The following SPTBN5 variants were observed in gnomAD, a reference collection of about 807,000 sequenced individuals.
SPTBN5 encodes spectrin beta chain, non-erythrocytic 5.
Under a neutral mutation model 477.6 loss-of-function variants are expected in SPTBN5, and 513 were observed. That is an observed-to-expected ratio of 1.07 (90% CI 1.00 to 1.16). The LOEUF (loss-of-function observed/expected upper bound fraction) is 1.16, where lower values mean the gene tolerates loss of function less well. Among genes scored for constraint, SPTBN5 ranks in the 50% most tolerant of loss-of-function variants. The probability of loss-of-function intolerance (pLI) is 0.00; values close to 1 mark genes in which losing one functional copy is unlikely to be tolerated. For missense variants in SPTBN5, 5,062 were observed against 4,731.8 expected (o/e 1.07, Z -2.05); for synonymous variants, 2,169 against 2,011.7 (o/e 1.08, Z -2.09).
chr15:41,867,249 G>C, intron 35 of SPTBN5, 123 bp from the exon 36 acceptor site: 1 of 1,182,726 alleles, frequency 8.5e-7, no homozygotes, highest in Non-Finnish European at 1.2e-6. Context: ...CATGGCTGAG[G>C]GGTATCTGAT....
At chr15:41,852,775 G>C (rs551394439) in intron 60 of SPTBN5, 40 bp from the exon 61 acceptor site, 45 of 1,611,310 alleles carry the variant, frequency 2.8e-5, no homozygotes, top group Non-Finnish European at 3.2e-5. Context: ...AGCTTGGGGG[G>C]GGGGGCCCAG....
In SPTBN5 at chr15:41,880,285, T is replaced by C; in HGVS notation, c.2686A>G (p.Met896Val). ...QLRRARLEEA[M>V]ALFGFCSSCG... ...GAACTGCAGAAACCGAACAGGGCCATGGCCTCCTCCAACCGGGCCCTGCGG... is the reference window on the plus strand; with the variant it reads ...GAACTGCAGAAACCGAACAGGGCCACGGCCTCCTCCAACCGGGCCCTGCGG... The change falls in exon 14 of 68, where the codon ATG becomes GTG. Residue 896 changes from methionine to valine, a missense_variant. Physicochemically the swap from Met to Val is conservative, Grantham distance 21 (BLOSUM62 1). Coordinates refer to ENST00000320955, the MANE Select transcript of SPTBN5 (RefSeq NM_016642.4). 6.2e-7 allele frequency: 1 copy of C among 1,606,884 alleles called. No individual in the cohort carries two copies. Among genetic ancestry groups the C allele is most frequent in the Non-Finnish European group, 8.5e-7 (1 of 1,177,426 alleles).
rs367757094 is a variant in SPTBN5, at chr15:41,875,470, C to A, written c.4275G>T (p.Leu1425=). The change falls in exon 22 of 68, where the codon CTG becomes CTT. Residue 1425 remains leucine (L), a synonymous_variant. Coordinates refer to ENST00000320955, the MANE Select transcript of SPTBN5 (RefSeq NM_016642.4). The part of the protein sequence containing the change: ...LQQAGQQEQL[L]RQLQDAKEQL... ...CTTCCCAGTGGACCTGCAGCTGCCT[C>A]AGGAGTTGCTCCTGCTGTCCAGCCT... The A allele has an allele frequency of 4.0e-5, 64 of 1,612,164 alleles. No individual in the cohort carries two copies. In the African/African-American group the frequency reaches 4.1e-4, roughly 10 times the overall value.
chr15:41,880,940 A>C, intron 13 of SPTBN5, 94 bp downstream of exon 13: 1 of 1,104,570 alleles, frequency 9.1e-7, no homozygotes, highest in Non-Finnish European at 1.3e-6. Context: ...AGGACAGGGA[A>C]CATGTCAGTC....
chr15:41,878,872 C>A (rs2066842811), intron 16 of SPTBN5, among the ~76,000 whole-genome samples: 1 of 152,158 alleles, frequency 6.6e-6, no homozygotes, highest in Non-Finnish European at 1.5e-5. Flanking sequence ...TCGAGACCAT[C>A]CCGGCTAAAA....
intron 67 of SPTBN5, among the ~76,000 whole-genome samples, chr15:41,849,568 A>C (rs2065679982): frequency 6.6e-6 from 1 of 152,122 alleles, no homozygotes; most frequent in Admixed American, 6.5e-5. Context: ...TGCTCCTCCC[A>C]CAAGCAGCCG....
chr15:41,849,949 C>A lies in SPTBN5; in HGVS notation c.10932G>T (p.Leu3644=). The change falls in exon 67 of 68, where the codon CTG becomes CTT. Residue 3644 remains leucine (L), a synonymous_variant. Coordinates refer to ENST00000320955, the MANE Select transcript of SPTBN5 (RefSeq NM_016642.4). Reference sequence around the variant, plus strand: ...CAGGTTTGGCTTTGAGTTTTGGGCTCAGACTCTGGGCTGCAGAGCAAGGGA... The same window carrying A: ...CAGGTTTGGCTTTGAGTTTTGGGCTAAGACTCTGGGCTGCAGAGCAAGGGA... The part of the protein sequence containing the change: ...RALGSTAAQS[L]SPKLKAKPVS... 1 of 1,592,324 alleles carries A rather than the reference C, an allele frequency of 6.3e-7. No homozygotes were observed.
chr15:41,888,086 C>T lies in SPTBN5; in HGVS notation c.502-1G>A. 1 of 1,566,442 alleles carries T rather than the reference C, an allele frequency of 6.4e-7. No individual in the cohort carries two copies. The highest frequency in any genetic ancestry group is 8.6e-7 in the Non-Finnish European group (1 of 1,156,630). On this transcript the variant is annotated splice_acceptor_variant, in intron 4 of 67. Transcript: ENST00000320955. LOFTEE classifies it high-confidence loss of function. ...GGGCTGCGCTGGCCCCAAACTCCTC[C>T]TGGCGGGACAGGGCAGCAGGGTCAC...
At chr15:41,888,869 G>T (rs548033893) in intron 4 of SPTBN5, among the ~76,000 whole-genome samples, 2 of 152,228 alleles carry the variant, frequency 1.3e-5, no homozygotes, top group East Asian at 1.9e-4. Context: ...GCCCACATGA[G>T]GGGGAGTGGA....
intron 55 of SPTBN5, 37 bp from the exon 56 acceptor site, chr15:41,855,013 T>C (rs1221987411): frequency 1.3e-6 from 2 of 1,504,072 alleles, no homozygotes; most frequent in Non-Finnish European, 1.8e-6. Context: ...TCACTTGAGA[T>C]GGTATCATGA....
At chr15:41,890,252 G>T (rs367951192) in intron 3 of SPTBN5, 47 bp from the exon 4 acceptor site, 127 of 1,373,520 alleles carry the variant, frequency 9.2e-5, no homozygotes, top group Non-Finnish European at 1.2e-4. Context: ...CATGTCCAGA[G>T]AGGACTCAGT....
intron 17 of SPTBN5, among the ~76,000 whole-genome samples, chr15:41,877,755 T>C (rs2066793684): frequency 6.6e-6 from 1 of 152,234 alleles, no homozygotes; most frequent in South Asian, 2.1e-4. Context: ...CTCCACTTCC[T>C]CTGAGCCGCT....
rs372911257 is a variant in SPTBN5 at position 41,855,751 on chromosome 15, G to A, written c.9022-6C>T. 5 of 1,570,640 alleles carry A rather than the reference G, an allele frequency of 3.2e-6. No homozygotes were observed. In the African/African-American group the frequency reaches 5.4e-5, roughly 17 times the overall value. Reference sequence around the variant, plus strand: ...CAGGATCCCGCCTCCAGGAGCTGGGGGTGACAGAGTGGAGATCCGTTTTCC... The same window carrying A: ...CAGGATCCCGCCTCCAGGAGCTGGGAGTGACAGAGTGGAGATCCGTTTTCC... On this transcript the variant is annotated splice_region_variant and splice_polypyrimidine_tract_variant and intron_variant, in intron 53 of 67. Coordinates refer to ENST00000320955, the MANE Select transcript of SPTBN5 (RefSeq NM_016642.4).
chr15:41,882,277 C>G lies in SPTBN5; in HGVS notation c.2239G>C (p.Val747Leu), dbSNP rs773222907. 7 of 1,482,914 alleles carry G rather than the reference C, an allele frequency of 4.7e-6. No individual in the cohort carries two copies. The African/African-American group carries it at 1.0e-4, about 21-fold the overall frequency. 91.9% of individuals were successfully genotyped at this position (1,482,914 alleles called of 1,614,324 possible). The change falls in exon 11 of 68, where the codon GTC becomes CTC. Residue 747 changes from valine to leucine, a missense_variant. Coordinates refer to ENST00000320955, the MANE Select transcript of SPTBN5 (RefSeq NM_016642.4). ...CCACCCCTCCCCACTACCTGCAGGA[C>G]CAGCAGGGCTGTCTGCAGCCGTGCG... Reference protein sequence around the residue: ...RGARLQTALLVLQYFADAAEA... With the variant: ...RGARLQTALLLLQYFADAAEA...
At chr15:41,888,209 G>A (rs2067214618) in intron 4 of SPTBN5, 124 bp from the exon 5 acceptor site, 1 of 907,160 alleles carries the variant, frequency 1.1e-6, no homozygotes, top group East Asian at 2.6e-5. Flanking sequence ...CGGGGCCAGT[G>A]TGACTCTCCT....
At chr15:41,887,164 T>C (rs1434564931) in intron 6 of SPTBN5, 49 bp downstream of exon 6, 10 of 1,513,512 alleles carry the variant, frequency 6.6e-6, no homozygotes, top group Non-Finnish European at 9.0e-6. Flanking sequence ...CGCTTAGGCC[T>C]GTCTGCCTCT....
At chr15:41,866,001 C>T in intron 38 of SPTBN5, 37 bp downstream of exon 38, 2 of 1,547,896 alleles carry the variant, frequency 1.3e-6, no homozygotes, top group South Asian at 2.4e-5. Context: ...AGGGCTCCTC[C>T]CCCCATCTCT....
In SPTBN5 at chr15:41,867,080, A is replaced by G. The variant is rs1288789202; in HGVS notation, c.6359T>C (p.Val2120Ala). Residue 2120 changes from valine (V) to alanine (A), a missense_variant, in exon 36 of 68, where the codon GTG becomes GCG. Physicochemically the swap from Val to Ala is moderately conservative, Grantham distance 64 (BLOSUM62 0). Coordinates refer to ENST00000320955, the MANE Select transcript of SPTBN5 (RefSeq NM_016642.4). Reference protein sequence around the residue: ...ERLKTLRRPRVRDRLPILLQR... With the variant: ...ERLKTLRRPRARDRLPILLQR... ...CAGCAGGATGGGAAGCCGGTCCCGC[A>G]CCCGGGGGCGCCGGAGCGTCTTCAG... The G allele has an allele frequency of 1.3e-5, 20 of 1,546,370 alleles. No homozygotes were observed. The highest frequency in any genetic ancestry group is 1.7e-5 in the Non-Finnish European group (20 of 1,147,220).
chr15:41,867,493 C>A, intron 35 of SPTBN5, 45 bp downstream of exon 35: 1 of 1,582,848 alleles, frequency 6.3e-7, no homozygotes, highest in Non-Finnish European at 8.7e-7. Flanking sequence ...GACTCTCTCC[C>A]AACCACCACA....
Sources: gnomAD v4.1 joint callset for allele counts (sites outside exome capture counted in the v4.1 genomes callset) on GRCh38, gnomAD v4.1.1 for gene constraint, MANE v1.5 for transcripts, NCBI Gene and HGNC (gene_info 2026-07-23, HGNC 2026-07-21) for gene names.